The following BAZ2B variants were observed in gnomAD, a reference collection of about 807,000 sequenced individuals.
BAZ2B encodes the protein bromodomain adjacent to zinc finger domain 2B.
Under a neutral mutation model 246.0 loss-of-function variants are expected in BAZ2B, and 91 were observed. That is an observed-to-expected ratio of 0.37 (90% CI 0.31 to 0.44). The LOEUF (loss-of-function observed/expected upper bound fraction) is 0.44, where lower values mean the gene tolerates loss of function less well. Among genes scored for constraint, BAZ2B ranks in the 20% least tolerant of loss-of-function variants. BAZ2B has a pLI of 1.00. For synonymous variants in BAZ2B, 855 were observed against 860.0 expected (o/e 0.99, Z 0.10); for missense variants, 2,332 against 2,533.7 (o/e 0.92, Z 1.71).
rs1328542156 is a variant in BAZ2B, at chr2:159,349,126, A to G, written c.5018T>C (p.Val1673Ala). ...TGGAGATTCACTTTTACTTGAAGCAACATTGGAAGTCAAGAATGAATTACC... is the reference window on the plus strand; with the variant it reads ...TGGAGATTCACTTTTACTTGAAGCAGCATTGGAAGTCAAGAATGAATTACC... ...GNGNSFLTSN[V>A]ASSKSESPVP... is the part of the protein sequence containing the mutation. Residue 1673 changes from valine to alanine, a missense_variant, in exon 29 of 37, where the codon GTT (valine) becomes GCT (alanine). Physicochemically the swap from Val to Ala is moderately conservative, Grantham distance 64. This residue lies in a region of BAZ2B where 676 missense variants were observed against 668.6 expected (regional missense o/e 1.01). Coordinates refer to ENST00000392783, the MANE Select transcript of BAZ2B (RefSeq NM_013450.4). 1.9e-6 allele frequency: 3 copies of G among 1,614,114 alleles called. No individual in the cohort carries two copies. In the South Asian group the frequency reaches 3.3e-5, roughly 18 times the overall value.
chr2:159,571,479 T>C (rs1052275199), intron 1 of BAZ2B, among the ~76,000 whole-genome samples: 1 of 152,124 alleles, frequency 6.6e-6, no homozygotes, highest in Non-Finnish European at 1.5e-5. Flanking sequence ...AGATGATTTA[T>C]GGGGTGGGGA....
At chr2:159,476,676 C>A (rs1036825221) in intron 3 of BAZ2B, among the ~76,000 whole-genome samples, 1 of 152,138 alleles carries the variant, frequency 6.6e-6, no homozygotes, top group African/African-American at 2.4e-5. Context: ...AAAGACATTT[C>A]TTTAGGAATA....
chr2:159,469,889 A>G lies in BAZ2B; in HGVS notation c.145+8686T>C, dbSNP rs866313597. ...TTTAGAGAAAAAATAATATCATTAT[A>G]TATTCTTTGAAAAACACAAGAGAGG... On this transcript the variant is annotated intron_variant, in intron 3 of 36. Transcript: ENST00000392783. Among the ~76,000 whole-genome samples the G allele has an allele frequency of 2.0e-5, 3 of 152,248 alleles. No individual in the cohort carries two copies. In the South Asian group the frequency reaches 6.2e-4, roughly 31 times the overall value.
At chr2:159,327,585 A>G (rs574976682) in intron 34 of BAZ2B, among the ~76,000 whole-genome samples, 18 of 152,296 alleles carry the variant, frequency 1.2e-4, no homozygotes, top group African/African-American at 4.3e-4. Flanking sequence ...GAATCTCTAA[A>G]ATCATTAAAA....
the BAZ2B span, among the ~76,000 whole-genome samples, chr2:159,662,777 C>T: frequency 6.6e-6 from 1 of 152,070 alleles, no homozygotes; most frequent in Non-Finnish European, 1.5e-5. Context: ...AATGATCCAC[C>T]TGCCTCAGCC....
Position 159,382,704 on chromosome 2 carries a change from C to T in BAZ2B, c.3860G>A (p.Gly1287Glu). The change falls in exon 25 of 37, where the codon GGA becomes GAA. Residue 1287 changes from glycine to glutamate, a missense_variant. Gly to Glu is a moderately conservative substitution (Grantham distance 98, BLOSUM62 -2). This residue lies in a region of BAZ2B where 328 missense variants were observed against 410.4 expected (regional missense o/e 0.80). Coordinates refer to ENST00000392783, the MANE Select transcript of BAZ2B (RefSeq NM_013450.4). Reference sequence around the variant, plus strand: ...TCCTCCCTTCCTTCTTCGCTTGCGTCCTGGAGTGGGTGTGCCCAAGGGATG... The same window carrying T: ...TCCTCCCTTCCTTCTTCGCTTGCGTTCTGGAGTGGGTGTGCCCAAGGGATG... ...EQHPLGTPTP[G>E]RKRRRKGGDS... 1.2e-6 allele frequency: 2 copies of T among 1,613,366 alleles called. No homozygotes were observed. Among genetic ancestry groups the T allele is most frequent in the African/African-American group, 1.3e-5 (1 of 74,984 alleles).
intron 2 of BAZ2B, among the ~76,000 whole-genome samples, chr2:159,505,414 G>C (rs2151139476): frequency 6.6e-6 from 1 of 152,180 alleles, no homozygotes; most frequent in East Asian, 1.9e-4. Flanking sequence ...CTGGGGGTGG[G>C]GATGTAAGCA....
At chr2:159,704,120 G>A in the BAZ2B span, among the ~76,000 whole-genome samples, 1 of 152,136 alleles carries the variant, frequency 6.6e-6, no homozygotes, top group African/African-American at 2.4e-5. Flanking sequence ...GAGCACTGAA[G>A]CTCCATGGTA....
the BAZ2B span, among the ~76,000 whole-genome samples, chr2:159,646,607 A>G: frequency 6.6e-6 from 1 of 152,192 alleles, no homozygotes; most frequent in African/African-American, 2.4e-5. Flanking sequence ...AAATTATAAA[A>G]GTATTAATTT....
rs547694892 is a variant in BAZ2B, at chr2:159,360,897, T to C, written c.4214-10540A>G. 5.3e-4 allele frequency among the ~76,000 whole-genome samples: 80 copies of C among 152,310 alleles called. 1 individual carries two copies. The South Asian group carries it at 0.016, about 30-fold the overall frequency. ...TGGTGTTGGGAAAACTGGCTAGTCA[T>C]ATGCAGAAAACTGAAACTGGACCCC... On this transcript the variant is annotated intron_variant, in intron 27 of 36. Coordinates refer to ENST00000392783, the MANE Select transcript of BAZ2B (RefSeq NM_013450.4).
intron 34 of BAZ2B, 71 bp from the exon 35 acceptor site, chr2:159,325,989 GAA>G: frequency 1.5e-6 from 2 of 1,301,534 alleles, no homozygotes; most frequent in Non-Finnish European, 2.1e-6. Flanking sequence ...TTTAAATTAT[GAA>G]AGTCTGACAG....
Position 159,505,457 on chromosome 2 carries a change from A to C in BAZ2B, c.-2-26736T>G, listed in dbSNP as rs184222957. On this transcript the variant is annotated intron_variant, in intron 2 of 36. Coordinates refer to ENST00000392783, the MANE Select transcript of BAZ2B (RefSeq NM_013450.4). ...GTTGGGAAGCCCTCCAGAAGATTCC[A>C]AGGTTAAGAATCACTGCCATAGAGC... Among the ~76,000 whole-genome samples the C allele has an allele frequency of 1.1e-3, 166 of 152,322 alleles. 1 individual carries two copies. The highest frequency in any genetic ancestry group is 1.7e-3 in the Non-Finnish European group (115 of 68,026).
the BAZ2B span, among the ~76,000 whole-genome samples, chr2:159,676,287 C>A: frequency 2.0e-5 from 3 of 152,092 alleles, no homozygotes; most frequent in Non-Finnish European, 2.9e-5. Flanking sequence ...CCCGCCTTGG[C>A]CTCCCAAACT....
chr2:159,556,203 A>G (rs1160521956), intron 1 of BAZ2B, among the ~76,000 whole-genome samples: 1 of 152,222 alleles, frequency 6.6e-6, no homozygotes, highest in East Asian at 1.9e-4. Context: ...AGAGAAAAAC[A>G]ATGTCTTAAA....
At chr2:159,370,407 C>T (rs1445823900) in intron 27 of BAZ2B, among the ~76,000 whole-genome samples, 2 of 122,384 alleles carry the variant, frequency 1.6e-5, no homozygotes, top group African/African-American at 6.4e-5. Context: ...TTTTGAGACG[C>T]AGTCTCGCTC....
At chr2:159,483,343 A>G (rs1229621301) in intron 2 of BAZ2B, among the ~76,000 whole-genome samples, 2 of 152,098 alleles carry the variant, frequency 1.3e-5, no homozygotes, top group African/African-American at 4.8e-5. Flanking sequence ...GACTACAGGT[A>G]CCTGTCACCA....
intron 3 of BAZ2B, among the ~76,000 whole-genome samples, chr2:159,478,253 AGTGTC>A (rs1175380357): frequency 6.6e-6 from 1 of 152,212 alleles, no homozygotes; most frequent in African/African-American, 2.4e-5. Flanking sequence ...TCTAGGGCAA[AGTGTC>A]TACCAAGGAC....
In BAZ2B at chr2:159,510,941, T is replaced by A. The variant is rs373609305; in HGVS notation, c.-2-32220A>T. On this transcript the variant is annotated intron_variant, in intron 2 of 36. Coordinates refer to ENST00000392783, the MANE Select transcript of BAZ2B (RefSeq NM_013450.4). ...TTTAATTACTGTAACACATTTAATA[T>A]TTGATTACACTTTGCTTATAAAACT... Among the ~76,000 whole-genome samples the A allele has an allele frequency of 5.3e-5, 8 of 152,326 alleles. No individual in the cohort carries two copies. The East Asian group carries it at 1.4e-3, about 26-fold the overall frequency.
chr2:159,392,056 C>T (rs1479537293), intron 20 of BAZ2B: 1 of 152,168 alleles, frequency 6.6e-6, no homozygotes, highest in African/African-American at 2.4e-5. Flanking sequence ...CACACAAGCG[C>T]TTGTCTCACA....
Sources: gnomAD v4.1 joint callset for allele counts (sites outside exome capture counted in the v4.1 genomes callset) on GRCh38, gnomAD v4.1.1 for gene constraint, gnomAD v4.1.1 regional missense constraint, MANE v1.5 for transcripts, NCBI Gene and HGNC (gene_info 2026-07-23, HGNC 2026-07-21) for gene names.